Variants in CADM1 observed in about 807,000 individuals in gnomAD.
CADM1 encodes the protein TSLC-1.
Under a neutral mutation model 53.1 loss-of-function variants are expected in CADM1, and 15 were observed. The observed-to-expected ratio is 0.28, with a 90% CI of 0.19 to 0.44. CADM1 has a LOEUF of 0.44. Ranked by LOEUF, CADM1 falls within the 20% of genes least tolerant of loss-of-function variation. The probability of loss-of-function intolerance (pLI) is 1.00; values close to 1 mark genes in which losing one functional copy is unlikely to be tolerated. For missense variants in CADM1, 434 were observed against 611.3 expected (o/e 0.71, Z 3.06); for synonymous variants, 281 against 243.0 (o/e 1.16, Z -1.45).
Position 115,203,861 on chromosome 11 carries a change from G to GA in CADM1, c.1079-5424dup, listed in dbSNP as rs200058553. Among the ~76,000 whole-genome samples, 14 of 150,492 alleles carry GA rather than the reference G, an allele frequency of 9.3e-5. 1 individual carries two copies. Among genetic ancestry groups the GA allele is most frequent in the South Asian group, 4.2e-4 (2 of 4,718 alleles). On this transcript the variant is annotated intron_variant, in intron 8 of 11. Transcript: ENST00000331581. ...TTTGTAACAGGTTTACAATTATCAGGAAAAAAAAATGTAGACACTTAAGAC... is the reference window on the plus strand; with the variant it reads ...TTTGTAACAGGTTTACAATTATCAGGAAAAAAAAAATGTAGACACTTAAGAC...
chr11:115,323,190 C>T (rs544608188), intron 1 of CADM1, among the ~76,000 whole-genome samples: 1 of 152,234 alleles, frequency 6.6e-6, no homozygotes, highest in East Asian at 1.9e-4. Context: ...TGACTAATGG[C>T]ATTGAACATC....
Position 115,288,574 on chromosome 11 carries a change from T to C in CADM1, c.125-48154A>G, listed in dbSNP as rs530376571. On this transcript the variant is annotated intron_variant, in intron 1 of 11. Transcript: ENST00000331581. ...ACTAAAACTACACTGCCCACACAACTTGTGGTCCTTCTCTGATGTACCTCT... is the reference window on the plus strand; with the variant it reads ...ACTAAAACTACACTGCCCACACAACCTGTGGTCCTTCTCTGATGTACCTCT... 5.9e-5 allele frequency among the ~76,000 whole-genome samples: 9 copies of C among 152,298 alleles called. No homozygotes were observed. In the South Asian group the frequency reaches 1.9e-3, roughly 32 times the overall value.
chr11:115,227,898 T>A (rs1464440604), intron 5 of CADM1, among the ~76,000 whole-genome samples: 1 of 152,212 alleles, frequency 6.6e-6, no homozygotes, highest in East Asian at 1.9e-4. Flanking sequence ...CAAAGATAAG[T>A]CCATGTTCTA....
intron 1 of CADM1, among the ~76,000 whole-genome samples, chr11:115,305,058 A>C (rs1944328157): frequency 6.6e-6 from 1 of 152,038 alleles, no homozygotes; most frequent in Non-Finnish European, 1.5e-5. Context: ...ACACCTAGAC[A>C]GGAGACATAG....
chr11:115,296,274 C>T (rs919175105), intron 1 of CADM1, among the ~76,000 whole-genome samples: 3 of 152,136 alleles, frequency 2.0e-5, no homozygotes, highest in African/African-American at 4.8e-5. Flanking sequence ...TCTATTAGCC[C>T]CACTGGAAGT....
intron 10 of CADM1, among the ~76,000 whole-genome samples, chr11:115,188,278 T>A (rs1018136326): frequency 2.6e-5 from 4 of 152,230 alleles, no homozygotes; most frequent in African/African-American, 9.7e-5. Flanking sequence ...AAAACTCTTA[T>A]GGATCCATCA....
At chr11:115,389,212 C>T (rs778116747) in intron 1 of CADM1, among the ~76,000 whole-genome samples, 1 of 151,944 alleles carries the variant, frequency 6.6e-6, no homozygotes, top group Non-Finnish European at 1.5e-5. Context: ...GAGGCGAATC[C>T]GTGTAAAATG....
intron 1 of CADM1, among the ~76,000 whole-genome samples, chr11:115,317,939 G>A (rs903124340): frequency 6.6e-6 from 1 of 151,342 alleles, no homozygotes; most frequent in African/African-American, 2.4e-5. Context: ...TCAAAATATT[G>A]CATCAGAGGG....
At chr11:115,178,463 C>A (rs1939140625) in intron 11 of CADM1, among the ~76,000 whole-genome samples, 181 bp downstream of exon 11, 1 of 151,504 alleles carries the variant, frequency 6.6e-6, no homozygotes, top group Admixed American at 6.6e-5. Flanking sequence ...TAATCAGCGG[C>A]TGCTAAGATT....
Position 115,209,627 on chromosome 11 carries a change from G to T in CADM1, c.1025C>A (p.Thr342Lys), listed in dbSNP as rs758995405. The T allele has an allele frequency of 1.9e-6, 3 of 1,612,796 alleles. No homozygotes were observed. Among genetic ancestry groups the T allele is most frequent in the South Asian group, 1.1e-5 (1 of 90,922 alleles). ...DPPTTIPPPT[T>K]TTTTTTTTTT... ...GGTGGTGGTGGTGGTGGTGGTGGTT[G>T]TTGTGGGAGGAGGGATAGTTGTGGG... The change falls in exon 8 of 12, where the codon ACA becomes AAA. Residue 342 changes from threonine to lysine, a missense_variant. Physicochemically the swap from Thr to Lys is moderately conservative, Grantham distance 78. Around this residue, in one of 4 missense-constraint regions of CADM1, gnomAD observed 311 missense variants for 435.1 expected, o/e 0.71. Transcript: ENST00000331581.
rs314505 is a variant in CADM1, at chr11:115,477,792, G to A, written c.124+26479C>T. 4.1e-3 allele frequency among the ~76,000 whole-genome samples: 621 copies of A among 152,340 alleles called. 4 individuals carry two copies. The highest frequency in any genetic ancestry group is 0.014 in the African/African-American group (569 of 41,582). ...TCTCCAGATTGCTGCTGCAGCTGGG[G>A]TCCAGGCAGAGCCTGGGACCAAACA... On this transcript the variant is annotated intron_variant, in intron 1 of 11. Coordinates refer to ENST00000331581, the MANE Select transcript of CADM1 (RefSeq NM_001301043.2).
intron 1 of CADM1, among the ~76,000 whole-genome samples, chr11:115,451,615 AC>A (rs1446560292): frequency 6.6e-6 from 1 of 152,210 alleles, no homozygotes; most frequent in African/African-American, 2.4e-5. Flanking sequence ...TCCCCTACAG[AC>A]CACTTAACAG....
At chr11:115,235,496 T>C (rs565647787) in intron 3 of CADM1, among the ~76,000 whole-genome samples, 2 of 152,314 alleles carry the variant, frequency 1.3e-5, no homozygotes, top group African/African-American at 4.8e-5. Flanking sequence ...GAGGTGCATA[T>C]AGATGAAAAC....
At chr11:115,293,361 A>T (rs2135114972) in intron 1 of CADM1, among the ~76,000 whole-genome samples, 1 of 152,290 alleles carries the variant, frequency 6.6e-6, no homozygotes, top group Admixed American at 6.5e-5. Context: ...TGAACCCGGC[A>T]GGCGGAGCTT....
chr11:115,495,900 G>A (rs2135436371), intron 1 of CADM1, among the ~76,000 whole-genome samples: 1 of 152,200 alleles, frequency 6.6e-6, no homozygotes, highest in Middle Eastern at 3.4e-3. Flanking sequence ...ATCTTCAGAG[G>A]AGCCAATCTC....
At chr11:115,190,256 G>GAT (rs754646768) in intron 10 of CADM1, among the ~76,000 whole-genome samples, 4 of 152,174 alleles carry the variant, frequency 2.6e-5, no homozygotes, top group Non-Finnish European at 5.9e-5. Context: ...TCCTTTGTAG[G>GAT]ATATGCTTCT....
At chr11:115,328,072 A>T in intron 1 of CADM1, among the ~76,000 whole-genome samples, 1 of 152,044 alleles carries the variant, frequency 6.6e-6, no homozygotes, top group East Asian at 1.9e-4. Context: ...TTTCCAAATT[A>T]TATACTAAGA....
chr11:115,322,817 T>G (rs977763160), intron 1 of CADM1, among the ~76,000 whole-genome samples: 1 of 152,184 alleles, frequency 6.6e-6, no homozygotes, highest in African/African-American at 2.4e-5. Flanking sequence ...AAATGGATAT[T>G]GGATATTGTT....
chr11:115,259,290 CTTTTTTTTTTT>C (rs71066411), intron 1 of CADM1, among the ~76,000 whole-genome samples: 159 of 55,080 alleles, frequency 2.9e-3, no homozygotes, highest in Middle Eastern at 0.019. Context: ...CCAGTCTTAA[CTTTTTTTTTTT>C]TTTTTTTTTT....
Sources: allele counts gnomAD v4.1 joint callset (sites outside exome capture counted in the v4.1 genomes callset), GRCh38; gene constraint gnomAD v4.1.1; regional missense constraint gnomAD v4.1.1; transcripts MANE v1.5; gene names NCBI Gene and HGNC (gene_info 2026-07-23, HGNC 2026-07-21).